The following SATB1 variants were observed in gnomAD, a reference collection of about 807,000 sequenced individuals.
SATB1 encodes the protein SATB homeobox 1, also known as DNA-binding protein SATB1.
SATB1 carries 11 observed loss-of-function variants against 86.9 expected under a neutral mutation model. The ratio of observed to expected loss-of-function variants is 0.13; its 90% confidence interval spans 0.08 to 0.21. The LOEUF is 0.21. Among genes scored for constraint, SATB1 ranks in the 10% least tolerant of loss-of-function variants. The pLI, the probability that SATB1 is intolerant of heterozygous loss-of-function variation, is 1.00. For missense variants in SATB1, 551 were observed against 937.6 expected (o/e 0.59, Z 5.39); for synonymous variants, 357 against 357.2 (o/e 1.00, Z 0.01).
chr3:18,370,377 A>G (rs1695407422), intron 9 of SATB1, among the ~76,000 whole-genome samples: 1 of 152,192 alleles, frequency 6.6e-6, no homozygotes, highest in Admixed American at 6.5e-5. Context: ...CCTCTGTTAA[A>G]TCAGACTGCT....
chr3:18,380,428 C>A (rs779288062), intron 8 of SATB1, among the ~76,000 whole-genome samples: 1 of 150,038 alleles, frequency 6.7e-6, no homozygotes, highest in Non-Finnish European at 1.5e-5. Flanking sequence ...CTAAAAACTT[C>A]TTTGGTTAAT....
intron 8 of SATB1, among the ~76,000 whole-genome samples, chr3:18,379,981 A>T (rs1172538709): frequency 1.3e-5 from 2 of 152,174 alleles, no homozygotes; most frequent in Non-Finnish European, 2.9e-5. Flanking sequence ...CTTTGAAGCA[A>T]TAATCTGTTA....
chr3:18,389,469 C>T (rs1490958088), intron 7 of SATB1, among the ~76,000 whole-genome samples: 1 of 151,914 alleles, frequency 6.6e-6, no homozygotes, highest in African/African-American at 2.4e-5. Context: ...GTTGTTGTTA[C>T]TTGAATAGCT....
rs1169005790 is a variant in SATB1 at position 18,386,692 on chromosome 3, C to T, written c.1207-81G>A. ...AGTGATCCTTCCCTTTTCTTCTCCA[C>T]TCTGTTTAGAAAATGAACAGTCAGA... On this transcript the variant is annotated intron_variant, in intron 7 of 10. Coordinates refer to ENST00000338745, the MANE Select transcript of SATB1 (RefSeq NM_002971.6). This position sits in a 1 kb window ranked among gnomAD's most constrained non-coding sequence, Gnocchi z 4.5. 7 of 1,132,430 alleles carry T rather than the reference C, an allele frequency of 6.2e-6. No individual in the cohort carries two copies. Among genetic ancestry groups the T allele is most frequent in the Admixed American group, 1.8e-5 (1 of 55,610 alleles). The allele number at this position is 1,132,430 out of a possible 1,614,324, so 70.1% of individuals were successfully genotyped here. A position where few individuals can be genotyped will look rare whatever the true frequency, so the allele number is the denominator to read the frequency against.
At chr3:18,436,318 T>C (rs1048725107) in intron 2 of SATB1, among the ~76,000 whole-genome samples, 3 of 152,124 alleles carry the variant, frequency 2.0e-5, no homozygotes, top group Non-Finnish European at 4.4e-5. Flanking sequence ...CATAATATTT[T>C]TGGTTCTGGA....
intron 10 of SATB1, chr3:18,351,243 C>G (rs1694343289): frequency 1.5e-6 from 2 of 1,314,742 alleles, no homozygotes; most frequent in African/African-American, 2.9e-5. Flanking sequence ...AAATCCTGAC[C>G]TGGGGAGCAG....
chr3:18,437,740 G>T (rs1428590660), intron 1 of SATB1, among the ~76,000 whole-genome samples: 1 of 152,076 alleles, frequency 6.6e-6, no homozygotes, highest in Admixed American at 6.5e-5. Flanking sequence ...CCCACAGTCT[G>T]GAGATCACTG....
In SATB1 at chr3:18,373,915, C is replaced by T. The variant is rs138391212; in HGVS notation, c.1575+4255G>A. Among the ~76,000 whole-genome samples, 800 of 152,252 alleles carry T rather than the reference C, an allele frequency of 5.3e-3. 6 individuals are homozygous for T. Among genetic ancestry groups the T allele is most frequent in the African/African-American group, 0.017 (724 of 41,540 alleles). On this transcript the variant is annotated intron_variant, in intron 9 of 10. Coordinates refer to ENST00000338745, the MANE Select transcript of SATB1 (RefSeq NM_002971.6). ...GCCAGAAAGTACTACAACTCAGAGA[C>T]TGCAAAAATATTATACCAAAAGTAT... is the stretch of plus-strand genomic sequence containing the variant.
chr3:18,358,749 A>T (rs914516830), intron 9 of SATB1, among the ~76,000 whole-genome samples: 1 of 152,008 alleles, frequency 6.6e-6, no homozygotes, highest in Non-Finnish European at 1.5e-5. Flanking sequence ...TGAAAGAAAA[A>T]AATAATAATA....
At chr3:18,435,387 C>A (rs1699025206) in intron 2 of SATB1, 1 of 152,152 alleles carries the variant, frequency 6.6e-6, no homozygotes, top group African/African-American at 2.4e-5. Context: ...GGCAAAGAAG[C>A]AGCATCCTTT....
chr3:18,399,547 A>T (rs899497696), intron 5 of SATB1, among the ~76,000 whole-genome samples: 12 of 152,196 alleles, frequency 7.9e-5, no homozygotes, highest in Admixed American at 4.6e-4. Context: ...AGTGCTATAC[A>T]GTTTATTATT....
chr3:18,378,518 A>AT lies in SATB1; in HGVS notation c.1420-194dup, dbSNP rs1380086341. ...AAGGGAAGTCACATTGTCACAGGTG[A>AT]TTGCATCTGTAATATGACAGCAACT... On this transcript the variant is annotated intron_variant, in intron 8 of 10. Transcript: ENST00000338745. Among the ~76,000 whole-genome samples the AT allele has an allele frequency of 2.6e-5, 4 of 152,306 alleles. No homozygotes were observed. The East Asian group carries it at 7.7e-4, about 29-fold the overall frequency.
upstream of SATB1, among the ~76,000 whole-genome samples, chr3:18,427,013 G>T (rs1258883279): frequency 6.6e-6 from 1 of 152,170 alleles, no homozygotes; most frequent in Non-Finnish European, 1.5e-5. Context: ...GAAGGCAACC[G>T]TGAATCTTGG....
chr3:18,427,391 CCA>C (rs1295325137), upstream of SATB1, among the ~76,000 whole-genome samples: 1 of 151,834 alleles, frequency 6.6e-6, no homozygotes, highest in African/African-American at 2.4e-5. Flanking sequence ...TTATAGTGGT[CCA>C]CACACACACA....
Position 18,352,030 on chromosome 3 carries a change from G to A in SATB1, c.1741C>T (p.Pro581Ser), listed in dbSNP as rs1694389352. 6.2e-7 allele frequency: 1 copy of A among 1,614,222 alleles called. No individual in the cohort carries two copies. Among genetic ancestry groups the A allele is most frequent in the Non-Finnish European group, 8.5e-7 (1 of 1,180,034 alleles). The change falls in exon 10 of 11, where the codon CCG (proline) becomes TCG (serine). Residue 581 changes from proline to serine, a missense_variant. Physicochemically the swap from Pro to Ser is moderately conservative, Grantham distance 74. This residue lies in a region of SATB1 where 87 missense variants were observed against 103.6 expected (regional missense o/e 0.84). Transcript: ENST00000338745. The surrounding 1 kb of genome is among the most constrained non-coding windows in gnomAD (Gnocchi z 4.1). ...GCTGGAACATGGATAATGTGGGGCGGCCTGTCGCCATGGTGATGCACCGCG... is the reference window on the plus strand; with the variant it reads ...GCTGGAACATGGATAATGTGGGGCGACCTGTCGCCATGGTGATGCACCGCG... The part of the protein sequence containing the change: ...SNAVHHHGDR[P>S]PHIIHVPAEQ...
chr3:18,391,890 T>C (rs1464355502), intron 7 of SATB1, among the ~76,000 whole-genome samples: 6 of 152,172 alleles, frequency 3.9e-5, no homozygotes, highest in Admixed American at 3.9e-4. Context: ...TATGTATGTG[T>C]GTGTGGTTTT....
At chr3:18,412,614 T>C (rs1359016039) in intron 5 of SATB1, among the ~76,000 whole-genome samples, 2 of 152,106 alleles carry the variant, frequency 1.3e-5, no homozygotes, top group Non-Finnish European at 1.5e-5. Context: ...ACACTTGGCA[T>C]TTCTTGGTGT....
At chr3:18,372,625 C>T (rs1695530785) in intron 9 of SATB1, among the ~76,000 whole-genome samples, 1 of 152,068 alleles carries the variant, frequency 6.6e-6, no homozygotes, top group South Asian at 2.1e-4. Flanking sequence ...AACAAACATA[C>T]TTATTTTTAG....
chr3:18,397,459 C>T (rs1240924752), intron 5 of SATB1, among the ~76,000 whole-genome samples, 169 bp from the exon 6 acceptor site: 3 of 152,044 alleles, frequency 2.0e-5, no homozygotes, highest in African/African-American at 7.2e-5. Flanking sequence ...TTAAGTAGAT[C>T]ATCAAATGCT....
Sources: allele counts gnomAD v4.1 joint callset (sites outside exome capture counted in the v4.1 genomes callset), GRCh38; gene constraint gnomAD v4.1.1; regional missense constraint gnomAD v4.1.1; non-coding constraint Gnocchi (gnomAD v3.1); transcripts MANE v1.5; gene names NCBI Gene and HGNC (gene_info 2026-07-23, HGNC 2026-07-21).